SPIDR: variants seen among roughly 807,000 people sequenced by gnomAD.
The protein encoded by SPIDR is scaffold protein involved in DNA repair.
Under a neutral mutation model 104.6 loss-of-function variants are expected in SPIDR, and 93 were observed. The ratio of observed to expected loss-of-function variants is 0.89; its 90% confidence interval spans 0.75 to 1.06. The LOEUF is 1.06. SPIDR is among the 50% of genes least tolerant of loss of function. The pLI, the probability that SPIDR is intolerant of heterozygous loss-of-function variation, is 0.00. For synonymous variants in SPIDR, 431 were observed against 416.9 expected (o/e 1.03, Z -0.41); for missense variants, 1,154 against 1,111.2 (o/e 1.04, Z -0.55).
At chr8:47,625,422 A>G (rs1051890533) in intron 10 of SPIDR, among the ~76,000 whole-genome samples, 1 of 152,244 alleles carries the variant, frequency 6.6e-6, no homozygotes, top group African/African-American at 2.4e-5. Context: ...AAGGGTATTC[A>G]GTTAGGAAAA....
In SPIDR at chr8:47,704,265, T is replaced by G. The variant is rs191499089; in HGVS notation, c.1977+2250T>G. On this transcript the variant is annotated intron_variant, in intron 14 of 19. Coordinates refer to ENST00000297423, the MANE Select transcript of SPIDR (RefSeq NM_001080394.4). ...TTTTATTATCAATACTTCACCACCT[T>G]TAATTCTGTCAGAGATTTTTCAGAT... Among the ~76,000 whole-genome samples, 4 of 152,352 alleles carry G rather than the reference T, an allele frequency of 2.6e-5. No homozygotes were observed. The East Asian group carries it at 7.7e-4, about 29-fold the overall frequency.
chr8:47,453,767 C>G (rs1425362692), intron 8 of SPIDR, among the ~76,000 whole-genome samples: 3 of 151,994 alleles, frequency 2.0e-5, no homozygotes, highest in African/African-American at 4.8e-5. Context: ...AGAAGAAAAC[C>G]TAGGTTTCTT....
At chr8:47,672,156 T>G (rs568626184) in intron 10 of SPIDR, among the ~76,000 whole-genome samples, 1 of 152,222 alleles carries the variant, frequency 6.6e-6, no homozygotes, top group Non-Finnish European at 1.5e-5. Context: ...AGACAAGATC[T>G]CAATACATTG....
At chr8:47,361,682 G>A (rs528130194) in intron 5 of SPIDR, among the ~76,000 whole-genome samples, 9 of 152,284 alleles carry the variant, frequency 5.9e-5, no homozygotes, top group South Asian at 2.1e-4. Flanking sequence ...AGGTGGATTC[G>A]CTGGTTTGAG....
chr8:47,573,517 G>T (rs566069520), intron 8 of SPIDR, among the ~76,000 whole-genome samples: 7 of 152,188 alleles, frequency 4.6e-5, no homozygotes, highest in Admixed American at 1.3e-4. Context: ...TTTGTAGGGG[G>T]CAACATGATG....
At chr8:47,420,283 A>G (rs1258016421) in intron 7 of SPIDR, among the ~76,000 whole-genome samples, 2 of 152,120 alleles carry the variant, frequency 1.3e-5, no homozygotes, top group African/African-American at 4.8e-5. Context: ...GACTTGCTTT[A>G]TGAGTCTGGG....
At chr8:47,478,865 G>A (rs1312663038) in intron 8 of SPIDR, among the ~76,000 whole-genome samples, 1 of 152,160 alleles carries the variant, frequency 6.6e-6, no homozygotes. Flanking sequence ...CACCACAGAA[G>A]ATAACTTTGA....
intron 11 of SPIDR, among the ~76,000 whole-genome samples, chr8:47,675,210 G>A (rs1169080739): frequency 6.6e-6 from 1 of 151,918 alleles, no homozygotes; most frequent in Non-Finnish European, 1.5e-5. Context: ...CTAATTTTCT[G>A]TATTTAGTAG....
intron 10 of SPIDR, among the ~76,000 whole-genome samples, chr8:47,623,047 C>G (rs996996919): frequency 6.6e-6 from 1 of 152,140 alleles, no homozygotes; most frequent in African/African-American, 2.4e-5. Context: ...TGCCACAGGA[C>G]CTTGTAGTGC....
chr8:47,345,087 T>C (rs1484282247), intron 5 of SPIDR, among the ~76,000 whole-genome samples: 1 of 152,244 alleles, frequency 6.6e-6, no homozygotes, highest in Non-Finnish European at 1.5e-5. Flanking sequence ...AGGGTTTTTA[T>C]GGTTTCAGGT....
At chr8:47,715,911 C>T (rs1563645101) in intron 16 of SPIDR, among the ~76,000 whole-genome samples, 1 of 151,678 alleles carries the variant, frequency 6.6e-6, no homozygotes, top group East Asian at 1.9e-4. Flanking sequence ...TTTTGAAGAA[C>T]ACCAGTGTTT....
chr8:47,476,777 T>C (rs1341686700), intron 8 of SPIDR, among the ~76,000 whole-genome samples: 3 of 152,244 alleles, frequency 2.0e-5, no homozygotes, highest in African/African-American at 4.8e-5. Context: ...CAAATCTGTA[T>C]GCAAGAGAAG....
At chr8:47,587,643 C>A (rs1247720846) in intron 8 of SPIDR, among the ~76,000 whole-genome samples, 1 of 148,272 alleles carries the variant, frequency 6.7e-6, no homozygotes, top group Non-Finnish European at 1.5e-5. Context: ...TCAACTGGTG[C>A]TGAGCATGGT....
At chr8:47,712,979 C>CCTTCACGGAGCCCA in intron 15 of SPIDR, 107 bp downstream of exon 15, 1 of 1,530,416 alleles carries the variant, frequency 6.5e-7, no homozygotes, top group Non-Finnish European at 8.7e-7. Flanking sequence ...GCTGCCGGCA[C>CCTTCACGGAGCCCA]CTTCACGGAG....
chr8:47,661,384 C>G (rs1414920294), intron 10 of SPIDR, among the ~76,000 whole-genome samples: 1 of 152,258 alleles, frequency 6.6e-6, no homozygotes, highest in Non-Finnish European at 1.5e-5. Flanking sequence ...GAGAAGTCGC[C>G]TGCAGCCCAA....
At chr8:47,490,234 GAC>G (rs782488310) in intron 8 of SPIDR, among the ~76,000 whole-genome samples, 6 of 152,194 alleles carry the variant, frequency 3.9e-5, no homozygotes, top group Non-Finnish European at 7.3e-5. Flanking sequence ...GCAGTCAACA[GAC>G]ACATGAAAAA....
At chr8:47,586,707 G>T (rs908975613) in intron 8 of SPIDR, among the ~76,000 whole-genome samples, 4 of 152,046 alleles carry the variant, frequency 2.6e-5, no homozygotes, top group Non-Finnish European at 5.9e-5. Flanking sequence ...CTCCAAAGGG[G>T]GTCTTTCTTA....
At chr8:47,510,887 A>C (rs765800212) in intron 8 of SPIDR, 1 of 459,342 alleles carries the variant, frequency 2.2e-6, no homozygotes, top group East Asian at 3.2e-5. Context: ...CAAATGTTCA[A>C]CCAACACCTA....
At chr8:47,624,327 C>T (rs953250258) in intron 10 of SPIDR, among the ~76,000 whole-genome samples, 3 of 152,094 alleles carry the variant, frequency 2.0e-5, no homozygotes, top group African/African-American at 7.2e-5. Flanking sequence ...ATTAAAAGAA[C>T]TAGAAAAGCA....
Sources: allele counts gnomAD v4.1 joint callset (sites outside exome capture counted in the v4.1 genomes callset), GRCh38; gene constraint gnomAD v4.1.1; transcripts MANE v1.5; gene names NCBI Gene and HGNC (gene_info 2026-07-23, HGNC 2026-07-21).